MED29: variants seen among roughly 807,000 people sequenced by gnomAD.
MED29 encodes the protein mediator complex subunit 29, also known as mediator of RNA polymerase II transcription subunit 29.
MED29 carries 14 observed loss-of-function variants against 22.0 expected under a neutral mutation model. The observed-to-expected ratio is 0.64, with a 90% CI of 0.42 to 0.99. The LOEUF (loss-of-function observed/expected upper bound fraction) is 0.99, where lower values mean the gene tolerates loss of function less well. Among genes scored for constraint, MED29 ranks in the 50% least tolerant of loss-of-function variants. MED29 has a pLI of 0.00. For missense variants in MED29, 241 were observed against 253.7 expected (o/e 0.95, Z 0.34); for synonymous variants, 123 against 107.8 (o/e 1.14, Z -0.87).
At chr19:39,393,076 CTTTT>C in intron 2 of MED29, among the ~76,000 whole-genome samples, 1 of 55,282 alleles carries the variant, frequency 1.8e-5, no homozygotes, top group East Asian at 4.9e-4. Flanking sequence ...TTCTTTCTTT[CTTTT>C]CTTTTTTTTT....
intron 3 of MED29, among the ~76,000 whole-genome samples, chr19:39,394,596 ACT>A (rs1439979452): frequency 9.1e-6 from 1 of 110,170 alleles, no homozygotes; most frequent in African/African-American, 3.7e-5. Context: ...ACAGAGTCTC[ACT>A]CTGTCGCCAG....
rs750484439 is a variant in MED29, at chr19:39,391,521, A to G, written c.99A>G (p.Gln33=). 1 of 1,613,102 alleles carries G rather than the reference A, an allele frequency of 6.2e-7. No homozygotes were observed. Among genetic ancestry groups the G allele is most frequent in the African/African-American group, 1.3e-5 (1 of 75,062 alleles). The part of the protein sequence containing the change: ...AGGPGPQQQP[Q]PPAQLVGPAQ... ...GCCCGGGTCCCCAGCAGCAGCCGCA[A>G]CCGCCAGCACAACTGGTGGGCCCTG... Residue 33 remains glutamine (Q), a synonymous_variant, in exon 1 of 4, where the codon CAA becomes CAG. Transcript: ENST00000315588.
chr19:39,391,694 G>A lies in MED29; in HGVS notation c.216+56G>A, dbSNP rs1364058554. 5 of 1,512,876 alleles carry A rather than the reference G, an allele frequency of 3.3e-6. No individual in the cohort carries two copies. The African/African-American group carries it at 4.2e-5, about 13-fold the overall frequency. 93.7% of individuals were successfully genotyped at this position (1,512,876 alleles called of 1,614,324 possible). A position where few individuals can be genotyped will look rare whatever the true frequency, so the allele number is the denominator to read the frequency against. On this transcript the variant is annotated intron_variant, in intron 1 of 3. Coordinates refer to ENST00000315588, the MANE Select transcript of MED29 (RefSeq NM_017592.4). Reference sequence around the variant, plus strand: ...TGGATTTGGTAGTCTAGAGGGGCAGGCCGAGGGCCAGGTTAGTCGGAGAGA... The same window carrying A: ...TGGATTTGGTAGTCTAGAGGGGCAGACCGAGGGCCAGGTTAGTCGGAGAGA...
Position 39,397,796 on chromosome 19 carries a change from C to T in MED29, c.*97C>T. On this transcript the variant is annotated 3_prime_UTR_variant, in exon 4 of 4. Coordinates refer to ENST00000315588, the MANE Select transcript of MED29 (RefSeq NM_017592.4). Reference sequence around the variant, plus strand: ...CCTAAACACAGCAGCCTCCTCTCTTCCTGCCTGAGCACCGCAGCGGGAGCC... The same window carrying T: ...CCTAAACACAGCAGCCTCCTCTCTTTCTGCCTGAGCACCGCAGCGGGAGCC... The T allele has an allele frequency of 6.7e-7, 1 of 1,496,668 alleles. No homozygotes were observed. Among genetic ancestry groups the T allele is most frequent in the Non-Finnish European group, 8.9e-7 (1 of 1,121,320 alleles). The allele number at this position is 1,496,668 out of a possible 1,614,324, so 92.7% of individuals were successfully genotyped here.
In MED29 at chr19:39,398,567, G is replaced by A. The variant is rs1314423963; in HGVS notation, c.*868G>A. 6.6e-6 allele frequency: 1 copy of A among 152,658 alleles called. No individual in the cohort carries two copies. The highest frequency in any genetic ancestry group is 6.5e-5 in the Admixed American group (1 of 15,286). 9.5% of individuals were successfully genotyped at this position (152,658 alleles called of 1,614,324 possible). A position where few individuals can be genotyped will look rare whatever the true frequency, so the allele number is the denominator to read the frequency against. ...CCAGCCGGGGTGAATCATCAGTCCT[G>A]GGGAAGAACCCAGGCGCCTGAGCCC... On this transcript the variant is annotated 3_prime_UTR_variant, in exon 4 of 4. Coordinates refer to ENST00000315588, the MANE Select transcript of MED29 (RefSeq NM_017592.4).
Position 39,398,186 on chromosome 19 carries a change from G to C in MED29, c.*487G>C. ...GACCTCTCTCTCTTAGTCCCCTTTAGCTGTCTTCTATCCCCAGCTCCTAAC... is the reference window on the plus strand; with the variant it reads ...GACCTCTCTCTCTTAGTCCCCTTTACCTGTCTTCTATCCCCAGCTCCTAAC... On this transcript the variant is annotated 3_prime_UTR_variant, in exon 4 of 4. Coordinates refer to ENST00000315588, the MANE Select transcript of MED29 (RefSeq NM_017592.4). 5.3e-6 allele frequency: 1 copy of C among 189,564 alleles called. No homozygotes were observed. Among genetic ancestry groups the C allele is most frequent in the Non-Finnish European group, 1.1e-5 (1 of 92,194 alleles). The allele number at this position is 189,564 out of a possible 1,614,324, so 11.7% of individuals were successfully genotyped here. A position where few individuals can be genotyped will look rare whatever the true frequency, so the allele number is the denominator to read the frequency against.
rs1167412671 is a variant in MED29 at position 39,397,840 on chromosome 19, C to T, written c.*141C>T. 1 of 1,388,008 alleles carries T rather than the reference C, an allele frequency of 7.2e-7. No homozygotes were observed. The highest frequency in any genetic ancestry group is 1.4e-5 in the African/African-American group (1 of 69,298). 86.0% of individuals were successfully genotyped at this position (1,388,008 alleles called of 1,614,324 possible). ...GGGAGCCAGCAGGGGGCAGCAGAGGCCAACAGGGAGCTCGCAGGCCGGGCC... is the reference window on the plus strand; with the variant it reads ...GGGAGCCAGCAGGGGGCAGCAGAGGTCAACAGGGAGCTCGCAGGCCGGGCC... On this transcript the variant is annotated 3_prime_UTR_variant, in exon 4 of 4. Transcript: ENST00000315588.
At chr19:39,394,689 GA>G (rs1335186658) in intron 3 of MED29, among the ~76,000 whole-genome samples, 2 of 147,316 alleles carry the variant, frequency 1.4e-5, no homozygotes, top group African/African-American at 5.1e-5. Flanking sequence ...TCAGCCTCCT[GA>G]GTAGCTGGGA....
Position 39,397,671 on chromosome 19 carries a change from C to A in MED29, c.575C>A (p.Pro192Gln). ...ANKVTGKTPA[P>Q]PAGPGGTL ...AAGGTCACGGGCAAGACACCCGCAC[C>A]ACCTGCTGGCCCTGGGGGCACTCTG... The change falls in exon 4 of 4, where the codon CCA becomes CAA. Residue 192 changes from proline to glutamine, a missense_variant. Pro to Gln is a moderately conservative substitution (Grantham distance 76). Transcript: ENST00000315588. 1.2e-6 allele frequency: 2 copies of A among 1,611,390 alleles called. No homozygotes were observed. The highest frequency in any genetic ancestry group is 1.7e-6 in the Non-Finnish European group (2 of 1,179,836).
chr19:39,394,750 G>C (rs1319186863), intron 3 of MED29, among the ~76,000 whole-genome samples: 1 of 151,504 alleles, frequency 6.6e-6, no homozygotes, highest in Non-Finnish European at 1.5e-5. Context: ...TTTTAGTAGA[G>C]ATGGGGTTTC....
In MED29 at chr19:39,393,569, C is replaced by G. The variant is rs760663590; in HGVS notation, c.292C>G (p.Pro98Ala). Residue 98 changes from proline to alanine, a missense_variant, in exon 3 of 4, where the codon CCC becomes GCC. Physicochemically the swap from Pro to Ala is conservative, Grantham distance 27. Transcript: ENST00000315588. The stretch of plus-strand genomic sequence containing the variant: ...TGTCTGTAGAAAGAGCAGTGATGGA[C>G]CCATACAGCGCTTTGACAAGTGCCT... The part of the protein sequence containing the change: ...IDNGQKSSDG[P>A]IQRFDKCLEE... 2.0e-4 allele frequency: 317 copies of G among 1,613,924 alleles called. No individual in the cohort carries two copies. The highest frequency in any genetic ancestry group is 2.6e-4 in the Non-Finnish European group (302 of 1,179,928).
chr19:39,397,708 ACAGGGAGTGGGG>A lies in MED29; in HGVS notation c.*14_*25del. ...CTGGGGGCACTCTGTGAAGTGGGGG[ACAGGGAGTGGGG>A]CAGGCAGTGGTTGGTGGGTGGTGTG... On this transcript the variant is annotated 3_prime_UTR_variant, in exon 4 of 4. Transcript: ENST00000315588. The A allele has an allele frequency of 6.2e-7, 1 of 1,604,350 alleles. No individual in the cohort carries two copies. Among genetic ancestry groups the A allele is most frequent in the Non-Finnish European group, 8.5e-7 (1 of 1,178,340 alleles).
intron 2 of MED29, among the ~76,000 whole-genome samples, chr19:39,393,049 C>CTTTTCCT (rs1293419550): frequency 2.1e-5 from 3 of 141,318 alleles, no homozygotes; most frequent in Non-Finnish European, 4.6e-5. Context: ...CATGCCCAGC[C>CTTTTCCT]TTTTCCTTTT....
rs142585381 is a variant in MED29, at chr19:39,394,309, TGG to T, written c.360+673_360+674del. Among the ~76,000 whole-genome samples, 363 of 152,292 alleles carry T rather than the reference TGG, an allele frequency of 2.4e-3. 1 individual carries two copies. Among genetic ancestry groups the T allele is most frequent in the African/African-American group, 8.2e-3 (342 of 41,558 alleles). On this transcript the variant is annotated intron_variant, in intron 3 of 3. Coordinates refer to ENST00000315588, the MANE Select transcript of MED29 (RefSeq NM_017592.4). ...AGGACAGTCTCACCATCACCCAGGC[TGG>T]AGTGCAGTGGCACGATCTAGGCTCA...
intron 3 of MED29, among the ~76,000 whole-genome samples, chr19:39,394,077 T>C (rs1186341556): frequency 6.6e-6 from 1 of 151,942 alleles, no homozygotes; most frequent in Non-Finnish European, 1.5e-5. Flanking sequence ...GAGAGGAGGG[T>C]AAGTGACTAA....
At chr19:39,396,742 A>G (rs77792467) in intron 3 of MED29, among the ~76,000 whole-genome samples, 3 of 147,078 alleles carry the variant, frequency 2.0e-5, no homozygotes, top group Non-Finnish European at 3.0e-5. Flanking sequence ...AAAAAAAAAA[A>G]GCCTGGGCGC....
intron 3 of MED29, among the ~76,000 whole-genome samples, chr19:39,394,369 C>G (rs1225666591): frequency 6.6e-6 from 1 of 152,088 alleles, no homozygotes; most frequent in Non-Finnish European, 1.5e-5. Context: ...TCAAGCGATT[C>G]TGGTGCCTCA....
Position 39,397,597 on chromosome 19 carries a change from G to A in MED29, c.501G>A (p.Gln167=). The A allele has an allele frequency of 6.2e-7, 1 of 1,613,848 alleles. No homozygotes were observed. Among genetic ancestry groups the A allele is most frequent in the Non-Finnish European group, 8.5e-7 (1 of 1,180,032 alleles). Residue 167 remains glutamine (Q), a synonymous_variant, in exon 4 of 4, where the codon CAG becomes CAA. Transcript: ENST00000315588. The part of the protein sequence containing the change: ...YPQYLAVIKA[Q]ISCAKDIHTA... ...AGTACCTGGCGGTCATCAAAGCCCA[G>A]ATTTCCTGTGCCAAGGACATTCACA...
chr19:39,397,548 A>T lies in MED29; in HGVS notation c.452A>T (p.Gln151Leu). The T allele has an allele frequency of 6.2e-7, 1 of 1,613,580 alleles. No homozygotes were observed. Among genetic ancestry groups the T allele is most frequent in the Non-Finnish European group, 8.5e-7 (1 of 1,180,020 alleles). ...ACAGCCACCAAGCCCGACGCAGTGC[A>T]GCCTGACAGCCTCCCCTACCCACAG... ...VPTATKPDAV[Q>L]PDSLPYPQYL... The change falls in exon 4 of 4, where the codon CAG becomes CTG. Residue 151 changes from glutamine to leucine, a missense_variant. Coordinates refer to ENST00000315588, the MANE Select transcript of MED29 (RefSeq NM_017592.4).
Sources: gnomAD v4.1 joint callset for allele counts (sites outside exome capture counted in the v4.1 genomes callset) on GRCh38, gnomAD v4.1.1 for gene constraint, MANE v1.5 for transcripts, NCBI Gene and HGNC (gene_info 2026-07-23, HGNC 2026-07-21) for gene names.